Variants in PLCB1 observed in about 807,000 individuals in gnomAD.
The protein encoded by PLCB1 is 1-phosphatidylinositol 4,5-bisphosphate phosphodiesterase beta-1.
Under a neutral mutation model 161.8 loss-of-function variants are expected in PLCB1, and 46 were observed. The observed-to-expected ratio is 0.28, with a 90% CI of 0.22 to 0.36. The LOEUF (loss-of-function observed/expected upper bound fraction) is 0.36. Among genes scored for constraint, PLCB1 ranks in the 10% least tolerant of loss-of-function variants. PLCB1 has a pLI of 1.00. For synonymous variants in PLCB1, 517 were observed against 503.7 expected, an observed-to-expected ratio of 1.03 and a Z score of -0.35; for missense variants, 1,016 against 1,472.5, an observed-to-expected ratio of 0.69 and a Z score of 5.07.
In PLCB1 at chr20:8,735,398, G is replaced by A. The variant is rs559526855; in HGVS notation, c.2044-1630G>A. 3.9e-5 allele frequency among the ~76,000 whole-genome samples: 6 copies of A among 152,320 alleles called. No homozygotes were observed. In the South Asian group the frequency reaches 6.2e-4, roughly 16 times the overall value. ...TGCTGCTCCTGTCCAGAATGGAGAC[G>A]CTGCTCCAGAGCTGTCAGTCTCCCC... On this transcript the variant is annotated intron_variant, in intron 19 of 31. Transcript: ENST00000338037.
chr20:8,332,753 C>G (rs1382798224), intron 2 of PLCB1, among the ~76,000 whole-genome samples: 1 of 152,220 alleles, frequency 6.6e-6, no homozygotes, highest in Non-Finnish European at 1.5e-5. Flanking sequence ...CAGGAACTCT[C>G]AACTCATAGC....
rs558266286 is a variant in PLCB1 at position 8,172,186 on chromosome 20, A to G, written c.177+21815A>G. On this transcript the variant is annotated intron_variant, in intron 2 of 31. Coordinates refer to ENST00000338037, the MANE Select transcript of PLCB1 (RefSeq NM_015192.4). Reference sequence around the variant, plus strand: ...TCAGATATATTATAGATAATATACAACTACCTAAATGCATAGTAAGCAAGA... The same window carrying G: ...TCAGATATATTATAGATAATATACAGCTACCTAAATGCATAGTAAGCAAGA... 1.5e-3 allele frequency among the ~76,000 whole-genome samples: 225 copies of G among 152,318 alleles called. 1 individual carries two copies. The highest frequency in any genetic ancestry group is 5.2e-3 in the African/African-American group (217 of 41,576).
At chr20:8,154,670 C>T (rs1471907021) in intron 2 of PLCB1, among the ~76,000 whole-genome samples, 1 of 152,128 alleles carries the variant, frequency 6.6e-6, no homozygotes, top group African/African-American at 2.4e-5. Flanking sequence ...TTTAATCTGT[C>T]GTTGCCTGAT....
chr20:8,408,459 GA>G (rs1384054833), intron 3 of PLCB1, among the ~76,000 whole-genome samples: 3 of 150,350 alleles, frequency 2.0e-5, no homozygotes, highest in African/African-American at 7.3e-5. Flanking sequence ...AAGAAAGAAA[GA>G]AAAAGGAAAA....
At chr20:8,150,502 A>G in intron 2 of PLCB1, 131 bp downstream of exon 2, 1 of 474,862 alleles carries the variant, frequency 2.1e-6, no homozygotes, top group East Asian at 3.4e-5. Context: ...TTCTACTTTT[A>G]AAGAATATCT....
intron 3 of PLCB1, among the ~76,000 whole-genome samples, chr20:8,522,689 A>G (rs1001671147): frequency 6.6e-6 from 1 of 152,212 alleles, no homozygotes; most frequent in Non-Finnish European, 1.5e-5. Context: ...CTTAATTACA[A>G]TAAGTATACG....
intron 31 of PLCB1, among the ~76,000 whole-genome samples, chr20:8,803,049 A>G (rs1461122994): frequency 6.6e-6 from 1 of 152,226 alleles, no homozygotes; most frequent in African/African-American, 2.4e-5. Flanking sequence ...TCTGTGAAAT[A>G]ATGCAGTTTA....
chr20:8,436,061 A>T (rs895952880), intron 3 of PLCB1, among the ~76,000 whole-genome samples: 22 of 152,184 alleles, frequency 1.4e-4, no homozygotes, highest in African/African-American at 5.1e-4. Flanking sequence ...GAATATGACC[A>T]GGCACAGTGG....
chr20:8,587,355 C>A (rs1987022083), intron 3 of PLCB1, among the ~76,000 whole-genome samples: 1 of 152,060 alleles, frequency 6.6e-6, no homozygotes, highest in Non-Finnish European at 1.5e-5. Context: ...TGCAGCCTGC[C>A]TAGGGACCCT....
chr20:8,678,462 G>C (rs988792850), intron 9 of PLCB1, among the ~76,000 whole-genome samples: 19 of 152,326 alleles, frequency 1.2e-4, no homozygotes, highest in African/African-American at 4.3e-4. Context: ...GAAGGTGTTT[G>C]CTTCTAAGTA....
chr20:8,360,222 G>T (rs770300653), intron 2 of PLCB1, among the ~76,000 whole-genome samples: 2 of 152,188 alleles, frequency 1.3e-5, no homozygotes, highest in Non-Finnish European at 2.9e-5. Flanking sequence ...GGCACTTCCT[G>T]CTCTCTACAC....
At chr20:8,300,346 G>A (rs1218664345) in intron 2 of PLCB1, among the ~76,000 whole-genome samples, 1 of 152,130 alleles carries the variant, frequency 6.6e-6, no homozygotes, top group Non-Finnish European at 1.5e-5. Flanking sequence ...TTTGCTTCCT[G>A]AATGGAGATC....
intron 23 of PLCB1, among the ~76,000 whole-genome samples, chr20:8,746,990 A>G (rs1237076445): frequency 6.6e-6 from 1 of 152,182 alleles, no homozygotes; most frequent in Non-Finnish European, 1.5e-5. Context: ...CAGTTTAACA[A>G]GCATCTCCAC....
chr20:8,401,527 G>C (rs1201455149), intron 3 of PLCB1, among the ~76,000 whole-genome samples: 1 of 152,112 alleles, frequency 6.6e-6, no homozygotes, highest in Non-Finnish European at 1.5e-5. Flanking sequence ...ATCTTTATTA[G>C]TCAGGATTAA....
intron 31 of PLCB1, among the ~76,000 whole-genome samples, chr20:8,875,249 T>C (rs947126107): frequency 1.7e-4 from 25 of 150,592 alleles, no homozygotes; most frequent in African/African-American, 5.8e-4. Flanking sequence ...CTGTCTTGCT[T>C]AAAAAGGTCT....
chr20:8,672,288 G>A (rs999389568), intron 9 of PLCB1, among the ~76,000 whole-genome samples: 1 of 151,998 alleles, frequency 6.6e-6, no homozygotes, highest in African/African-American at 2.4e-5. Flanking sequence ...GTTAATACTT[G>A]CATATAGCAA....
chr20:8,540,732 G>C (rs1201689372), intron 3 of PLCB1, among the ~76,000 whole-genome samples: 1 of 152,072 alleles, frequency 6.6e-6, no homozygotes, highest in Non-Finnish European at 1.5e-5. Context: ...TATAACTGAT[G>C]ATTAGAGTTA....
chr20:8,539,350 C>T (rs6039187), intron 3 of PLCB1, among the ~76,000 whole-genome samples: 2,013 of 152,266 alleles, frequency 0.013, 57 homozygotes, highest in African/African-American at 0.046. Flanking sequence ...TTTTGACACA[C>T]TTCAAACAAA....
At chr20:8,287,268 ATGT>A (rs1371257379) in intron 2 of PLCB1, among the ~76,000 whole-genome samples, 5 of 152,034 alleles carry the variant, frequency 3.3e-5, no homozygotes, top group Admixed American at 1.3e-4. Context: ...GTTATATATG[ATGT>A]TGTAGTAGCC....
Sources: allele counts gnomAD v4.1 joint callset (sites outside exome capture counted in the v4.1 genomes callset), GRCh38; gene constraint gnomAD v4.1.1; transcripts MANE v1.5; gene names NCBI Gene and HGNC (gene_info 2026-07-23, HGNC 2026-07-21).